Variants in AMOTL1 observed in about 807,000 individuals in gnomAD.
The protein encoded by AMOTL1 is angiomotin-like protein 1.
AMOTL1 carries 45 observed loss-of-function variants against 102.9 expected under a neutral mutation model. The observed-to-expected ratio is 0.44, with a 90% confidence interval of 0.34 to 0.56. The LOEUF (loss-of-function observed/expected upper bound fraction) is 0.56, where lower values mean the gene tolerates loss of function less well. Ranked by LOEUF, AMOTL1 falls within the 20% of genes least tolerant of loss-of-function variation. The pLI is 0.01. For synonymous variants in AMOTL1, 481 were observed against 484.7 expected (o/e 0.99, Z 0.10); for missense variants, 1,114 against 1,225.6 (o/e 0.91, Z 1.36).
At chr11:94,783,348 C>T (rs1363146073) in intron 1 of AMOTL1, among the ~76,000 whole-genome samples, 13 of 152,136 alleles carry the variant, frequency 8.5e-5, no homozygotes, top group Admixed American at 8.5e-4. Context: ...CGTCCATTTG[C>T]CTGTAGTTGA....
At chr11:94,740,342 T>C (rs1019288194) in intron 2 of AMOTL1, 1 of 152,262 alleles carries the variant, frequency 6.6e-6, no homozygotes, top group East Asian at 1.9e-4. Context: ...GAACGGGTTA[T>C]GCTCTGATTT....
chr11:94,831,598 A>G, intron 6 of AMOTL1, 57 bp downstream of exon 6: 1 of 1,439,746 alleles, frequency 6.9e-7, no homozygotes, highest in Non-Finnish European at 9.7e-7. Flanking sequence ...CGGGGTCCTG[A>G]AGGAAGAATC....
Position 94,800,038 on chromosome 11 carries a change from G to T in AMOTL1, c.848G>T (p.Gly283Val), listed in dbSNP as rs756664839. Residue 283 changes from glycine (G) to valine (V), a missense_variant, in exon 3 of 13, where the codon GGG (glycine) becomes GTG (valine). Transcript: ENST00000433060. ...GCCAAGCAACACCTTCCCGGCTCGG[G>T]GAATGGAAAGGGCTTCAAAGTAGGA... ...NGAKQHLPGSGNGKGFKVGGG... is the reference protein window; with the variant it reads ...NGAKQHLPGSVNGKGFKVGGG... 1.9e-6 allele frequency: 3 copies of T among 1,614,040 alleles called. No individual in the cohort carries two copies. The Admixed American group carries it at 5.0e-5, about 27-fold the overall frequency.
intron 3 of AMOTL1, among the ~76,000 whole-genome samples, chr11:94,742,293 C>T (rs930424674): frequency 6.6e-6 from 1 of 152,218 alleles, no homozygotes; most frequent in Non-Finnish European, 1.5e-5. Context: ...GACAGGTACT[C>T]GATGATCTGC....
At chr11:94,824,485 T>C (rs907674576) in intron 4 of AMOTL1, among the ~76,000 whole-genome samples, 1 of 152,228 alleles carries the variant, frequency 6.6e-6, no homozygotes, top group Non-Finnish European at 1.5e-5. Context: ...TTTTGATGGA[T>C]ACTTGCATAC....
chr11:94,776,141 T>C (rs1951023608), intron 1 of AMOTL1, among the ~76,000 whole-genome samples: 1 of 152,234 alleles, frequency 6.6e-6, no homozygotes. Flanking sequence ...CCAAGCTTTG[T>C]CAATGAGAGG....
At chr11:94,777,207 C>T (rs72971755) in intron 1 of AMOTL1, among the ~76,000 whole-genome samples, 1,871 of 152,196 alleles carry the variant, frequency 0.012, 12 homozygotes, top group Non-Finnish European at 0.021. Flanking sequence ...AAGATAATGG[C>T]GGTGTCAGGT....
At chr11:94,817,640 T>G (rs1208921935) in intron 3 of AMOTL1, among the ~76,000 whole-genome samples, 2 of 152,224 alleles carry the variant, frequency 1.3e-5, no homozygotes, top group African/African-American at 2.4e-5. Flanking sequence ...ATTTGCATCT[T>G]TAACCATAAC....
At chr11:94,788,300 T>G (rs953087293) in intron 1 of AMOTL1, among the ~76,000 whole-genome samples, 3 of 152,202 alleles carry the variant, frequency 2.0e-5, no homozygotes, top group African/African-American at 7.2e-5. Context: ...TCTAACATGT[T>G]AGGAAAATAA....
chr11:94,786,769 T>TTAA (rs753786264), intron 1 of AMOTL1, among the ~76,000 whole-genome samples: 4 of 152,212 alleles, frequency 2.6e-5, no homozygotes, highest in African/African-American at 7.2e-5. Flanking sequence ...TTGAAGGGCC[T>TTAA]TAAAAAAGGC....
intron 3 of AMOTL1, among the ~76,000 whole-genome samples, chr11:94,800,961 G>T (rs1055347174): frequency 6.6e-6 from 1 of 152,188 alleles, no homozygotes; most frequent in Non-Finnish European, 1.5e-5. Context: ...AGTGTATGCT[G>T]TACTCTGAAG....
chr11:94,717,947 A>G (rs1950120763), intron 1 of AMOTL1, among the ~76,000 whole-genome samples: 1 of 151,938 alleles, frequency 6.6e-6, no homozygotes, highest in African/African-American at 2.4e-5. Flanking sequence ...ACAAATTAAA[A>G]CAGTGAGAAA....
chr11:94,718,140 A>G (rs1950123071), intron 1 of AMOTL1, among the ~76,000 whole-genome samples: 2 of 151,908 alleles, frequency 1.3e-5, no homozygotes, highest in Admixed American at 6.6e-5. Flanking sequence ...GCCTGTCTCT[A>G]TGTGATTAAA....
At chr11:94,815,584 T>G (rs1185977973) in intron 3 of AMOTL1, among the ~76,000 whole-genome samples, 1 of 152,110 alleles carries the variant, frequency 6.6e-6, no homozygotes, top group Non-Finnish European at 1.5e-5. Flanking sequence ...CATTTCCAAT[T>G]TTTAAATAAA....
In AMOTL1 at chr11:94,788,500, G is replaced by T. The variant is rs573795806; in HGVS notation, c.50-6511G>T. Among the ~76,000 whole-genome samples, 6 of 152,160 alleles carry T rather than the reference G, an allele frequency of 3.9e-5. No homozygotes were observed. The South Asian group carries it at 1.2e-3, about 32-fold the overall frequency. On this transcript the variant is annotated intron_variant, in intron 1 of 12. Transcript: ENST00000433060. Reference sequence around the variant, plus strand: ...TTAACATCCTCCTCATTTTCCCTCCGGTTCAATTTCAGCCCACATATCTCT... The same window carrying T: ...TTAACATCCTCCTCATTTTCCCTCCTGTTCAATTTCAGCCCACATATCTCT...
chr11:94,815,908 C>T (rs1951757218), intron 3 of AMOTL1, among the ~76,000 whole-genome samples: 1 of 151,652 alleles, frequency 6.6e-6, no homozygotes, highest in African/African-American at 2.4e-5. Flanking sequence ...CTGTGTAAGT[C>T]ATAATAAGGT....
At chr11:94,852,777 A>T (rs959433114) in intron 7 of AMOTL1, among the ~76,000 whole-genome samples, 1 of 152,224 alleles carries the variant, frequency 6.6e-6, no homozygotes, top group Admixed American at 6.5e-5. Flanking sequence ...AGGACTCTGA[A>T]ATCTTTAGGA....
chr11:94,856,442 C>A (rs917540489), intron 8 of AMOTL1, among the ~76,000 whole-genome samples: 6 of 150,430 alleles, frequency 4.0e-5, no homozygotes, highest in Admixed American at 2.0e-4. Flanking sequence ...ATTTTTGGGG[C>A]CTGTGGGCTG....
At position 94,768,437 on chromosome 11, in the gene AMOTL1, G is replaced by A; in HGVS notation, c.-75G>A. On this transcript the variant is annotated 5_prime_UTR_variant, in exon 1 of 13. Coordinates refer to ENST00000433060, the MANE Select transcript of AMOTL1 (RefSeq NM_130847.3). Reference sequence around the variant, plus strand: ...AAGCCCTGTGTGAATGGGGTTGATTGTCCGGCGCCACTTCCCCGCGCTGCC... The same window carrying A: ...AAGCCCTGTGTGAATGGGGTTGATTATCCGGCGCCACTTCCCCGCGCTGCC... 6.5e-7 allele frequency: 1 copy of A among 1,545,652 alleles called. No homozygotes were observed. The highest frequency in any genetic ancestry group is 1.4e-5 in the African/African-American group (1 of 73,174).
Sources: gnomAD v4.1 joint callset for allele counts (sites outside exome capture counted in the v4.1 genomes callset) on GRCh38, gnomAD v4.1.1 for gene constraint, MANE v1.5 for transcripts, NCBI Gene and HGNC (gene_info 2026-07-23, HGNC 2026-07-21) for gene names.